SPATA6: variants seen among roughly 807,000 people sequenced by gnomAD.
The protein encoded by SPATA6 is spermatogenesis associated 6, also known as spermatogenesis-associated protein 6.
Under a neutral mutation model 65.3 loss-of-function variants are expected in SPATA6, and 56 were observed. The observed-to-expected ratio is 0.86, with a 90% CI of 0.69 to 1.07. The LOEUF (loss-of-function observed/expected upper bound fraction) is 1.07, where lower values mean the gene tolerates loss of function less well. Ranked by LOEUF, SPATA6 falls within the 50% of genes least tolerant of loss-of-function variation. The pLI is 0.00. For missense variants in SPATA6, 590 were observed against 594.8 expected (o/e 0.99, Z 0.08); for synonymous variants, 199 against 213.2 (o/e 0.93, Z 0.58).
chr1:48,388,663 CAG>C (rs1404308420), intron 8 of SPATA6, among the ~76,000 whole-genome samples: 1 of 150,470 alleles, frequency 6.6e-6, no homozygotes, highest in African/African-American at 2.4e-5. Flanking sequence ...AAGAACCAAA[CAG>C]AAATTCTGGA....
intron 11 of SPATA6, chr1:48,326,245 T>C (rs1376666451): frequency 6.6e-6 from 1 of 152,148 alleles, no homozygotes; most frequent in East Asian, 1.9e-4. Flanking sequence ...AAGAATTCAA[T>C]CCCATTTTCA....
At chr1:48,368,655 T>C (rs1254983278) in intron 9 of SPATA6, among the ~76,000 whole-genome samples, 2 of 152,262 alleles carry the variant, frequency 1.3e-5, no homozygotes, top group African/African-American at 4.8e-5. Context: ...TTAGCTCCTT[T>C]AAGCACTTCT....
At chr1:48,313,322 C>T (rs990414492) in intron 11 of SPATA6, among the ~76,000 whole-genome samples, 1 of 152,160 alleles carries the variant, frequency 6.6e-6, no homozygotes, top group African/African-American at 2.4e-5. Flanking sequence ...CAAAGGGAGG[C>T]CCATCAGACT....
At chr1:48,436,898 G>A (rs1421195836) in intron 3 of SPATA6, 1 of 1,613,470 alleles carries the variant, frequency 6.2e-7, no homozygotes, top group African/African-American at 1.3e-5. Flanking sequence ...GTAGACTCTG[G>A]AATTGGAGAA....
At chr1:48,285,231 G>A in the SPATA6 span, among the ~76,000 whole-genome samples, 1 of 152,116 alleles carries the variant, frequency 6.6e-6, no homozygotes, top group Non-Finnish European at 1.5e-5. Context: ...TACACTGTGA[G>A]GGGAAAACTG....
At chr1:48,365,158 A>G (rs1646958239) in intron 9 of SPATA6, among the ~76,000 whole-genome samples, 1 of 152,044 alleles carries the variant, frequency 6.6e-6, no homozygotes, top group South Asian at 2.1e-4. Flanking sequence ...ATTGATCTAT[A>G]TCTCTGTTTT....
intron 11 of SPATA6, among the ~76,000 whole-genome samples, chr1:48,315,736 G>C (rs1645393553): frequency 1.3e-5 from 2 of 152,200 alleles, no homozygotes; most frequent in Non-Finnish European, 2.9e-5. Flanking sequence ...ATTAGGAAAA[G>C]AGGAAGTCAA....
Position 48,359,673 on chromosome 1 carries a change from G to A in SPATA6, c.1007C>T (p.Ala336Val), listed in dbSNP as rs958431157. ...PRSCSKPRHSARTLLVHSAPS... is the reference protein window; with the variant it reads ...PRSCSKPRHSVRTLLVHSAPS... ...TGCTGAATGGACTAGCAAGGTCCTC[G>A]CTGAATGCCGGGGCTTACTACACGA... Residue 336 changes from alanine (A) to valine (V), a missense_variant, in exon 10 of 13, where the codon GCG becomes GTG. Coordinates refer to ENST00000371847, the MANE Select transcript of SPATA6 (RefSeq NM_019073.4). The A allele has an allele frequency of 1.9e-6, 3 of 1,613,734 alleles. No individual in the cohort carries two copies. Among genetic ancestry groups the A allele is most frequent in the Non-Finnish European group, 8.5e-7 (1 of 1,179,820 alleles).
intron 9 of SPATA6, among the ~76,000 whole-genome samples, chr1:48,365,187 T>C (rs1427203052): frequency 1.3e-5 from 2 of 152,208 alleles, no homozygotes; most frequent in Admixed American, 1.3e-4. Flanking sequence ...TACCATGCTG[T>C]TTTGGTTACT....
the SPATA6 span, among the ~76,000 whole-genome samples, chr1:48,263,603 C>T: frequency 6.6e-6 from 1 of 152,232 alleles, no homozygotes; most frequent in East Asian, 1.9e-4. Context: ...TATTGCAATT[C>T]GACCTGTCCT....
the SPATA6 span, among the ~76,000 whole-genome samples, chr1:48,289,567 G>A: frequency 7.2e-5 from 11 of 152,282 alleles, no homozygotes; most frequent in South Asian, 1.5e-3. Flanking sequence ...AAAGGAGGAC[G>A]TTCAAACCCA....
the SPATA6 span, among the ~76,000 whole-genome samples, chr1:48,268,899 T>C: frequency 1.3e-5 from 2 of 152,212 alleles, no homozygotes; most frequent in Non-Finnish European, 2.9e-5. Context: ...ATTTATCAGG[T>C]ACAGTCTAGT....
At chr1:48,284,617 G>A in the SPATA6 span, among the ~76,000 whole-genome samples, 370 of 152,274 alleles carry the variant, frequency 2.4e-3, 3 homozygotes, top group African/African-American at 8.5e-3. Flanking sequence ...GGGTTTCTGT[G>A]TGGACATCCT....
rs938056126 is a variant in SPATA6 at position 48,453,963 on chromosome 1, G to A, written c.52-832C>T. Among the ~76,000 whole-genome samples the A allele has an allele frequency of 5.4e-5, 8 of 149,166 alleles. No individual in the cohort carries two copies. In the South Asian group the frequency reaches 1.5e-3, roughly 27 times the overall value. On this transcript the variant is annotated intron_variant, in intron 1 of 12. Transcript: ENST00000371847. The stretch of plus-strand genomic sequence containing the variant: ...CAGTTTTAGGGGGAAAAAAAAGACA[G>A]AAAGAAGTACCAAGAAACAGTCATA...
intron 9 of SPATA6, among the ~76,000 whole-genome samples, chr1:48,384,049 G>A (rs1363952714): frequency 4.6e-5 from 7 of 151,336 alleles, no homozygotes; most frequent in African/African-American, 2.4e-5. Flanking sequence ...GGGCACCATT[G>A]AGCACTGAGT....
At chr1:48,447,229 T>C (rs1033194567) in intron 3 of SPATA6, among the ~76,000 whole-genome samples, 1 of 152,060 alleles carries the variant, frequency 6.6e-6, no homozygotes, top group African/African-American at 2.4e-5. Flanking sequence ...GAGTCAAAAG[T>C]TATACGTGGC....
chr1:48,439,300 G>A (rs1383249362), intron 3 of SPATA6, among the ~76,000 whole-genome samples: 1 of 152,182 alleles, frequency 6.6e-6, no homozygotes, highest in Non-Finnish European at 1.5e-5. Flanking sequence ...TCCTCCTTGT[G>A]GTCTAAGGAG....
At chr1:48,364,171 T>C (rs1237757404) in intron 9 of SPATA6, among the ~76,000 whole-genome samples, 1 of 152,262 alleles carries the variant, frequency 6.6e-6, no homozygotes, top group Admixed American at 6.5e-5. Context: ...ATGGTGTATA[T>C]GTGCCACATT....
intron 1 of SPATA6, among the ~76,000 whole-genome samples, chr1:48,461,243 T>C (rs1041980075): frequency 1.3e-5 from 2 of 152,174 alleles, no homozygotes; most frequent in Non-Finnish European, 1.5e-5. Context: ...TATTAGCCCT[T>C]TGTCAGATGA....
Sources: allele counts gnomAD v4.1 joint callset (sites outside exome capture counted in the v4.1 genomes callset), GRCh38; gene constraint gnomAD v4.1.1; transcripts MANE v1.5; gene names NCBI Gene and HGNC (gene_info 2026-07-23, HGNC 2026-07-21).